Variants in MASP1 observed in about 807,000 individuals in gnomAD.
MASP1 encodes the protein mannan-binding lectin serine protease 1.
MASP1 carries 59 observed loss-of-function variants against 77.1 expected under a neutral mutation model. The ratio of observed to expected loss-of-function variants is 0.77; its 90% CI spans 0.62 to 0.95. MASP1 has a LOEUF of 0.95. Among genes scored for constraint, MASP1 ranks in the 40% least tolerant of loss-of-function variants. The probability of loss-of-function intolerance (pLI) is 0.00; values close to 1 mark genes in which losing one functional copy is unlikely to be tolerated. For missense variants in MASP1, 885 were observed against 912.9 expected, an observed-to-expected ratio of 0.97 and a Z score of 0.39; for synonymous variants, 362 against 354.5, an observed-to-expected ratio of 1.02 and a Z score of -0.24.
Position 187,235,478 on chromosome 3 carries a change from G to A in MASP1, c.*206C>T. The A allele has an allele frequency of 6.6e-7, 1 of 1,523,014 alleles. No individual in the cohort carries two copies. Among genetic ancestry groups the A allele is most frequent in the South Asian group, 1.2e-5 (1 of 82,984 alleles). 94.3% of individuals were successfully genotyped at this position (1,523,014 alleles called of 1,614,324 possible). On this transcript the variant is annotated 3_prime_UTR_variant, in exon 11 of 11. Transcript: ENST00000296280. ...CAGACAGGGAAAGAGACTTGGACAA[G>A]CTCAGGAACACAGGTCTCCTGCCTG...
At chr3:187,279,509 AC>A (rs1717242243) in intron 2 of MASP1, among the ~76,000 whole-genome samples, 1 of 152,272 alleles carries the variant, frequency 6.6e-6, no homozygotes, top group South Asian at 2.1e-4. Context: ...AGGCTGGCCA[AC>A]AAAATCCATC....
At chr3:187,279,795 T>C (rs1278924995) in intron 2 of MASP1, among the ~76,000 whole-genome samples, 1 of 152,218 alleles carries the variant, frequency 6.6e-6, no homozygotes, top group East Asian at 1.9e-4. Flanking sequence ...AAACATCAAC[T>C]ATTTCCAAAG....
intron 2 of MASP1, among the ~76,000 whole-genome samples, chr3:187,271,857 G>A (rs1716553699): frequency 6.6e-6 from 1 of 152,114 alleles, no homozygotes; most frequent in South Asian, 2.1e-4. Context: ...CACAGAACAT[G>A]GCGTGGGAAC....
rs187496297 is a variant in MASP1, at chr3:187,218,711, A to G, written c.*1360T>C. On this transcript the variant is annotated 3_prime_UTR_variant, in exon 16 of 16. Transcript: ENST00000337774. The stretch of plus-strand genomic sequence containing the variant: ...AGTCCCCCAGGGAAGATCAATTTCT[A>G]TAAAACAGAAGACAGGAACTTGGAG... 614 of 152,634 alleles carry G rather than the reference A, an allele frequency of 4.0e-3. 1 individual carries two copies. Among genetic ancestry groups the G allele is most frequent in the Non-Finnish European group, 5.8e-3 (396 of 68,022 alleles). The allele number at this position is 152,634 out of a possible 1,614,324, so 9.5% of individuals were successfully genotyped here. A position where few individuals can be genotyped will look rare whatever the true frequency, so the allele number is the denominator to read the frequency against.
intron 2 of MASP1, among the ~76,000 whole-genome samples, chr3:187,277,244 C>T (rs1264819144): frequency 6.6e-6 from 1 of 152,108 alleles, no homozygotes; most frequent in Non-Finnish European, 1.5e-5. Flanking sequence ...GAGACATGTG[C>T]CTTTTCCTGT....
At chr3:187,243,057 T>G in intron 9 of MASP1, 2 of 284,460 alleles carry the variant, frequency 7.0e-6, no homozygotes, top group Non-Finnish European at 1.4e-5. Flanking sequence ...CAAGGCAGAG[T>G]CTGGGTGAAG....
At chr3:187,245,681 T>G (rs1714014218) in intron 8 of MASP1, among the ~76,000 whole-genome samples, 1 of 152,290 alleles carries the variant, frequency 6.6e-6, no homozygotes, top group East Asian at 1.9e-4. Flanking sequence ...CAGCACACAC[T>G]AGACCCTGCT....
intron 3 of MASP1, among the ~76,000 whole-genome samples, 186 bp from the exon 4 acceptor site, chr3:187,261,058 C>T (rs1715535046): frequency 6.6e-6 from 1 of 152,182 alleles, no homozygotes; most frequent in Non-Finnish European, 1.5e-5. Context: ...AACTGGAACT[C>T]AGAGAGGTTA....
At chr3:187,282,024 C>T (rs1375384230) in intron 2 of MASP1, among the ~76,000 whole-genome samples, 2 of 152,158 alleles carry the variant, frequency 1.3e-5, no homozygotes, top group South Asian at 2.1e-4. Context: ...AGACTGCTCA[C>T]CCACTCTCTG....
chr3:187,285,005 C>T (rs1442066590), intron 2 of MASP1, among the ~76,000 whole-genome samples: 1 of 152,182 alleles, frequency 6.6e-6, no homozygotes, highest in Admixed American at 6.5e-5. Context: ...ATGAGAACCT[C>T]TTTCAGGAAG....
chr3:187,286,138 G>C, intron 1 of MASP1, 82 bp from the exon 2 acceptor site: 1 of 1,128,492 alleles, frequency 8.9e-7, no homozygotes, highest in South Asian at 1.3e-5. Context: ...AGGAGAACAA[G>C]ATCTCAGCAT....
rs1251239329 is a variant in MASP1 at position 187,234,741 on chromosome 3, C to T, written c.*943G>A. ...TCTTCCATTTTCCTGCCCAAAAGCA[C>T]AGCAGGACACAGTGTGGGTCTTTTC... On this transcript the variant is annotated 3_prime_UTR_variant, in exon 11 of 11. Coordinates refer to ENST00000296280, the MANE Select transcript of MASP1 (RefSeq NM_139125.4). 2 of 1,287,272 alleles carry T rather than the reference C, an allele frequency of 1.6e-6. No individual in the cohort carries two copies. Among genetic ancestry groups the T allele is most frequent in the Non-Finnish European group, 2.0e-6 (2 of 988,706 alleles). The allele number at this position is 1,287,272 out of a possible 1,614,324, so 79.7% of individuals were successfully genotyped here. A position where few individuals can be genotyped will look rare whatever the true frequency, so the allele number is the denominator to read the frequency against.
chr3:187,240,881 C>T (rs371299869), intron 10 of MASP1, among the ~76,000 whole-genome samples: 4 of 152,170 alleles, frequency 2.6e-5, no homozygotes, highest in African/African-American at 7.2e-5. Flanking sequence ...GATGATCCAC[C>T]CGCCTTGGCC....
At chr3:187,225,296 C>T (rs1365143066) in intron 13 of MASP1, 2 of 1,611,746 alleles carry the variant, frequency 1.2e-6, no homozygotes, top group African/African-American at 1.3e-5. Context: ...ACCAGCTGCC[C>T]TGCAGAGGTG....
intron 8 of MASP1, among the ~76,000 whole-genome samples, chr3:187,248,983 A>ATAGCGCTCCAGT (rs1714335484): frequency 6.6e-6 from 1 of 152,210 alleles, no homozygotes; most frequent in South Asian, 2.1e-4. Context: ...AGGGAAGAGG[A>ATAGCGCTCCAGT]TAGCGCTCCA....
exon 16 of MASP1, chr3:187,218,406 A>C (rs777923013): frequency 6.6e-6 from 1 of 152,630 alleles, no homozygotes; most frequent in African/African-American, 2.4e-5. Context: ...ACAGCATTAC[A>C]GTTCTTCTTT....
chr3:187,221,451 A>G (rs1318427807), intron 14 of MASP1, among the ~76,000 whole-genome samples: 5 of 152,192 alleles, frequency 3.3e-5, no homozygotes, highest in African/African-American at 1.2e-4. Context: ...GTATTAGTCA[A>G]TAGGACAATG....
intron 7 of MASP1, 50 bp downstream of exon 7, chr3:187,251,584 G>A (rs566135128): frequency 9.1e-5 from 132 of 1,444,354 alleles, no homozygotes; most frequent in African/African-American, 7.6e-4. Flanking sequence ...GGCAGGTTTC[G>A]AGAGTTTCTG....
chr3:187,223,485 A>C (rs145699520), intron 13 of MASP1, among the ~76,000 whole-genome samples: 22 of 152,260 alleles, frequency 1.4e-4, no homozygotes, highest in Non-Finnish European at 2.6e-4. Flanking sequence ...GCAGAATCTC[A>C]TTCTTGGTCA....
Sources: gnomAD v4.1 joint callset for allele counts (sites outside exome capture counted in the v4.1 genomes callset) on GRCh38, gnomAD v4.1.1 for gene constraint, MANE v1.5 for transcripts, NCBI Gene and HGNC (gene_info 2026-07-23, HGNC 2026-07-21) for gene names.